TRMT2B: variants seen among roughly 807,000 people sequenced by gnomAD.
The protein encoded by TRMT2B is tRNA methyltransferase 2B, also known as tRNA (uracil-5-)-methyltransferase homolog B.
TRMT2B carries 34 observed loss-of-function variants against 39.7 expected under a neutral mutation model. The ratio of observed to expected loss-of-function variants is 0.86; its 90% CI spans 0.65 to 1.14. The LOEUF (loss-of-function observed/expected upper bound fraction) is 1.14, where lower values mean the gene tolerates loss of function less well. Among genes scored for constraint, TRMT2B ranks in the 50% most tolerant of loss-of-function variants. The probability of loss-of-function intolerance (pLI) is 0.00; values close to 1 mark genes in which losing one functional copy is unlikely to be tolerated. For missense variants in TRMT2B, 318 were observed against 377.2 expected (o/e 0.84, Z 1.30); for synonymous variants, 132 against 137.3 (o/e 0.96, Z 0.27).
In TRMT2B at chrX:101,019,708, A is replaced by G. The variant is rs748369798; in HGVS notation, c.1169-305T>C. Among the ~76,000 whole-genome samples the G allele has an allele frequency of 3.4e-3, 358 of 106,707 alleles. 2 individuals carry two copies. Among genetic ancestry groups the G allele is most frequent in the Non-Finnish European group, 5.7e-3 (295 of 51,861 alleles). The allele number at this position is 106,707 out of a possible 115,157, so 92.7% of individuals were successfully genotyped here. ...GAATGCAGTGGTGCGATCTCGGCAC[A>G]CTGCAACCTCCACCTCCCGGGTTCA... is the stretch of plus-strand genomic sequence containing the variant. On this transcript the variant is annotated intron_variant, in intron 11 of 13. Transcript: ENST00000372936.
chrX:101,046,561 T>C (rs73635559), intron 2 of TRMT2B, among the ~76,000 whole-genome samples: 47 of 112,079 alleles, frequency 4.2e-4, no homozygotes, highest in African/African-American at 1.5e-3. Flanking sequence ...CATTCCTTTT[T>C]TTCACTTGTA....
At position 101,041,297 on chromosome X, in the gene TRMT2B, G is replaced by A. The variant is rs746838313; in HGVS notation, c.303+20C>T. 3.3e-5 allele frequency: 40 copies of A among 1,203,165 alleles called. No homozygotes were observed. Among genetic ancestry groups the A allele is most frequent in the Non-Finnish European group, 4.0e-5 (36 of 889,641 alleles). On this transcript the variant is annotated intron_variant, in intron 4 of 13. Transcript: ENST00000372936. ...CATTCTCCTGGAAAGGAGGGGTAAA[G>A]ACTTAGGCTGGGCACCTACCTTGAG...
intron 2 of TRMT2B, 62 bp downstream of exon 2, chrX:101,051,189 G>C (rs1222629242): frequency 2.8e-5 from 18 of 649,639 alleles, no homozygotes; most frequent in Non-Finnish European, 3.3e-5. Flanking sequence ...AAATAGGAAG[G>C]CAGGCTAACT....
At chrX:101,037,657 C>T in intron 5 of TRMT2B, 1 of 282,281 alleles carries the variant, frequency 3.5e-6, no homozygotes, top group Non-Finnish European at 6.2e-6. Flanking sequence ...TCAGATAGAC[C>T]TGAGCGTGAA....
At chrX:101,002,510 T>C in the TRMT2B span, among the ~76,000 whole-genome samples, 1 of 111,934 alleles carries the variant, frequency 8.9e-6, no homozygotes, top group African/African-American at 3.2e-5. Context: ...CTGGGTACAG[T>C]GGCTCACGCC....
chrX:100,984,637 C>T, the TRMT2B span, among the ~76,000 whole-genome samples: 3 of 112,491 alleles, frequency 2.7e-5, no homozygotes, highest in Non-Finnish European at 5.6e-5. Flanking sequence ...TGAACACCTA[C>T]TGTGTGTAAG....
intron 2 of TRMT2B, among the ~76,000 whole-genome samples, chrX:101,048,142 A>ACACACACACG (rs1422212121): frequency 7.4e-5 from 8 of 107,836 alleles, no homozygotes; most frequent in African/African-American, 2.3e-4. Flanking sequence ...ACACACACAC[A>ACACACACACG]CACACACACA....
At chrX:101,039,047 G>A (rs1223331420) in intron 4 of TRMT2B, among the ~76,000 whole-genome samples, 1 of 110,809 alleles carries the variant, frequency 9.0e-6, no homozygotes, top group Non-Finnish European at 1.9e-5. Flanking sequence ...CACCATGCCT[G>A]GCCTAAACTT....
At chrX:101,040,295 A>C (rs911521128) in intron 4 of TRMT2B, among the ~76,000 whole-genome samples, 1 of 69,781 alleles carries the variant, frequency 1.4e-5, no homozygotes, top group Non-Finnish European at 3.0e-5. Flanking sequence ...CTCTATTTAA[A>C]AAAAAAAAAA....
In TRMT2B at chrX:101,051,640, C is replaced by T; in HGVS notation, c.-413G>A. 1 of 754,984 alleles carries T rather than the reference C, an allele frequency of 1.3e-6. No individual in the cohort carries two copies. The highest frequency in any genetic ancestry group is 2.3e-5 in the African/African-American group (1 of 44,032). 62.2% of individuals were successfully genotyped at this position (754,984 alleles called of 1,213,427 possible). A position where few individuals can be genotyped will look rare whatever the true frequency, so the allele number is the denominator to read the frequency against. ...GCACAGGCCCACGCTGGGCCGTACACGACCTTGCGCAGTCACCGTCGGGTC... is the reference window on the plus strand; with the variant it reads ...GCACAGGCCCACGCTGGGCCGTACATGACCTTGCGCAGTCACCGTCGGGTC... On this transcript the variant is annotated 5_prime_UTR_variant, in exon 2 of 14. It adds an upstream start codon to the 5' untranslated region. Transcript: ENST00000372936.
chrX:100,985,611 A>G, the TRMT2B span: 2 of 1,160,963 alleles, frequency 1.7e-6, no homozygotes, highest in Non-Finnish European at 2.3e-6. Flanking sequence ...CTCCTGTTAG[A>G]TGAGTATGGA....
chrX:100,993,454 C>T, the TRMT2B span, among the ~76,000 whole-genome samples: 6 of 111,515 alleles, frequency 5.4e-5, no homozygotes, highest in Non-Finnish European at 7.5e-5. Context: ...ATCAACAAAC[C>T]GTAAGAAAAT....
At chrX:101,011,130 A>G (rs1188138133) in intron 13 of TRMT2B, among the ~76,000 whole-genome samples, 2 of 112,079 alleles carry the variant, frequency 1.8e-5, no homozygotes, top group Non-Finnish European at 3.8e-5. Context: ...ACAGTCATGC[A>G]TCACTTAACG....
the TRMT2B span, among the ~76,000 whole-genome samples, chrX:100,979,339 T>G: frequency 5.3e-3 from 598 of 112,014 alleles, 6 homozygotes; most frequent in African/African-American, 0.019. Flanking sequence ...CCCTCAGCTT[T>G]TGTTTGTCTG....
chrX:100,990,875 C>T, the TRMT2B span: 1 of 249,735 alleles, frequency 4.0e-6, no homozygotes, highest in Non-Finnish European at 7.2e-6. Context: ...CCATAAACAA[C>T]TTTGTTTTAA....
chrX:101,040,452 C>T (rs912638009), intron 4 of TRMT2B, among the ~76,000 whole-genome samples: 2 of 111,028 alleles, frequency 1.8e-5, no homozygotes, highest in African/African-American at 3.3e-5. Flanking sequence ...GTTTGAGGTG[C>T]GTGCATGCAT....
At chrX:100,973,798 A>C in the TRMT2B span, 1 of 1,111,258 alleles carries the variant, frequency 9.0e-7, no homozygotes, top group Non-Finnish European at 1.2e-6. Context: ...TCCTCCCACA[A>C]ATCTGCCCAT....
intron 9 of TRMT2B, 50 bp from the exon 10 acceptor site, chrX:101,021,365 A>C (rs1301342799): frequency 9.9e-6 from 11 of 1,105,790 alleles, no homozygotes; most frequent in South Asian, 4.2e-5. Context: ...GCGGTGGCTC[A>C]CGCCTGTAAT....
Position 101,022,343 on chromosome X carries a change from G to A in TRMT2B, c.757-281C>T, listed in dbSNP as rs183819857. On this transcript the variant is annotated intron_variant, in intron 8 of 13. Transcript: ENST00000372936. The stretch of plus-strand genomic sequence containing the variant: ...GTCTCTACAAGAAATCAAAAAGTCC[G>A]GGAGCGGCGGTTCACACCTGTAATC... Among the ~76,000 whole-genome samples the A allele has an allele frequency of 1.3e-4, 14 of 110,690 alleles. No homozygotes were observed. The East Asian group carries it at 3.7e-3, about 29-fold the overall frequency.
Sources: gnomAD v4.1 joint callset for allele counts (sites outside exome capture counted in the v4.1 genomes callset) on GRCh38, gnomAD v4.1.1 for gene constraint, MANE v1.5 for transcripts, NCBI Gene and HGNC (gene_info 2026-07-23, HGNC 2026-07-21) for gene names.